Variants in CDH23 observed in about 807,000 individuals in gnomAD.
CDH23 encodes the protein cadherin related 23, also known as cadherin-23.
CDH23 carries 189 observed loss-of-function variants against 317.1 expected under a neutral mutation model. The observed-to-expected ratio is 0.60, with a 90% CI of 0.53 to 0.67. The LOEUF is 0.67. Ranked by LOEUF, CDH23 falls within the 30% of genes least tolerant of loss-of-function variation. The probability of loss-of-function intolerance (pLI) is 0.00; values close to 1 mark genes in which losing one functional copy is unlikely to be tolerated. For synonymous variants in CDH23, 1,839 were observed against 1,876.8 expected, an observed-to-expected ratio of 0.98 and a Z score of 0.52; for missense variants, 4,401 against 4,592.4, an observed-to-expected ratio of 0.96 and a Z score of 1.20.
intron 14 of CDH23, among the ~76,000 whole-genome samples, chr10:71,653,803 G>T (rs894071168): frequency 6.6e-6 from 1 of 152,192 alleles, no homozygotes; most frequent in African/African-American, 2.4e-5. Context: ...GCTGTAGAGA[G>T]AATAATAATA....
intron 3 of CDH23, among the ~76,000 whole-genome samples, chr10:71,452,868 T>C (rs984022511): frequency 7.2e-5 from 11 of 152,174 alleles, no homozygotes; most frequent in African/African-American, 2.7e-4. Context: ...GCAGTGATTG[T>C]CCTGGAGAGA....
intron 27 of CDH23, among the ~76,000 whole-genome samples, chr10:71,710,853 G>T (rs1367279685): frequency 2.6e-5 from 4 of 152,234 alleles, no homozygotes; most frequent in Non-Finnish European, 4.4e-5. Flanking sequence ...GGAAGGGGAG[G>T]CTGTGATCAG....
intron 44 of CDH23, among the ~76,000 whole-genome samples, 155 bp from the exon 45 acceptor site, chr10:71,788,785 T>C (rs1267752084): frequency 1.3e-5 from 2 of 152,226 alleles, no homozygotes; most frequent in Non-Finnish European, 2.9e-5. Flanking sequence ...CCCTCTTGTA[T>C]GTCTTCTTTT....
chr10:71,674,670 G>A (rs747823152), intron 14 of CDH23, among the ~76,000 whole-genome samples: 3 of 152,226 alleles, frequency 2.0e-5, no homozygotes, highest in Non-Finnish European at 4.4e-5. Context: ...GGAAACTGAG[G>A]CATCAAGACA....
intron 9 of CDH23, among the ~76,000 whole-genome samples, chr10:71,590,890 A>AAC (rs1859440907): frequency 1.4e-5 from 2 of 143,346 alleles, no homozygotes; most frequent in Admixed American, 1.7e-4. Flanking sequence ...AAAAAAACAA[A>AAC]AAAAAACAAA....
chr10:71,741,805 C>T lies in CDH23; in HGVS notation c.4729C>T (p.Arg1577Cys), dbSNP rs893684931. The T allele has an allele frequency of 9.3e-6, 15 of 1,612,068 alleles. No individual in the cohort carries two copies. The highest frequency in any genetic ancestry group is 1.6e-4 in the Middle Eastern group (1 of 6,082). Reference protein sequence around the residue: ...ITEGNKDMAFRMDRISGEIAT... With the variant: ...ITEGNKDMAFCMDRISGEIAT... ...CGAGGGCAACAAGGACATGGCCTTC[C>T]GCATGGACCGCATCAGCGGTGAGAT... Residue 1577 changes from arginine to cysteine, a missense_variant, in exon 38 of 70, where the codon CGC (arginine) becomes TGC (cysteine). By Grantham distance (180) the Arg-to-Cys change is radical. Around this residue, in one of 3 missense-constraint regions of CDH23, gnomAD observed 3,068 missense variants for 3,203.3 expected, o/e 0.96. Coordinates refer to ENST00000224721, the MANE Select transcript of CDH23 (RefSeq NM_022124.6).
intron 3 of CDH23, among the ~76,000 whole-genome samples, chr10:71,482,125 C>T (rs866419076): frequency 6.6e-6 from 1 of 152,182 alleles, no homozygotes; most frequent in Non-Finnish European, 1.5e-5. Context: ...ATGACCATAG[C>T]GGGCTTCCAG....
intron 11 of CDH23, among the ~76,000 whole-genome samples, chr10:71,622,527 G>A (rs1589271297): frequency 1.3e-5 from 2 of 152,282 alleles, no homozygotes; most frequent in East Asian, 3.9e-4. Flanking sequence ...GGGGACGGAG[G>A]CAGGGTGGCT....
chr10:71,586,088 T>C (rs1393321948), intron 9 of CDH23, among the ~76,000 whole-genome samples: 1 of 152,170 alleles, frequency 6.6e-6, no homozygotes, highest in Non-Finnish European at 1.5e-5. Context: ...CTTCCCCAGC[T>C]GGGCAAAGCA....
At chr10:71,435,873 A>AAGC (rs1849594128) in intron 1 of CDH23, among the ~76,000 whole-genome samples, 1 of 152,226 alleles carries the variant, frequency 6.6e-6, no homozygotes. Flanking sequence ...CCAGCAGGCA[A>AAGC]AGCAGCATCC....
At chr10:71,785,556 G>A in intron 43 of CDH23, 75 bp from the exon 44 acceptor site, 3 of 968,304 alleles carry the variant, frequency 3.1e-6, no homozygotes, top group Non-Finnish European at 4.8e-6. Flanking sequence ...GCCAAGCAGA[G>A]CAGTTGGCAT....
chr10:71,707,922 C>A (rs78303284), intron 26 of CDH23, among the ~76,000 whole-genome samples: 6,441 of 152,228 alleles, frequency 0.042, 206 homozygotes, highest in East Asian at 0.081. Context: ...GGCTTTGCTG[C>A]GGCCAACGTG....
At chr10:71,460,227 A>C (rs1353901638) in intron 3 of CDH23, among the ~76,000 whole-genome samples, 4 of 152,336 alleles carry the variant, frequency 2.6e-5, no homozygotes, top group Non-Finnish European at 4.4e-5. Context: ...CTTCCAGCCC[A>C]GGGGCTGGTA....
chr10:71,812,021 T>G lies in CDH23; in HGVS notation c.9380+6T>G, dbSNP rs749913318. The stretch of plus-strand genomic sequence containing the variant: ...AACAAGTACTCCTTTGATGGGTGAG[T>G]GGGGTACTGGCCCTGCCCGGTCCCC... On this transcript the variant is annotated splice_donor_region_variant and intron_variant, in intron 66 of 69. Coordinates refer to ENST00000224721, the MANE Select transcript of CDH23 (RefSeq NM_022124.6). 6.2e-7 allele frequency: 1 copy of G among 1,613,560 alleles called. No homozygotes were observed. Among genetic ancestry groups the G allele is most frequent in the Non-Finnish European group, 8.5e-7 (1 of 1,179,800 alleles).
Position 71,798,857 on chromosome 10 carries a change from G to C in CDH23, c.7055-254G>C, listed in dbSNP as rs576075054. 2.5e-3 allele frequency among the ~76,000 whole-genome samples: 374 copies of C among 152,306 alleles called. 1 individual carries two copies. The highest frequency in any genetic ancestry group is 8.4e-3 in the African/African-American group (349 of 41,570). On this transcript the variant is annotated intron_variant, in intron 50 of 69. Coordinates refer to ENST00000224721, the MANE Select transcript of CDH23 (RefSeq NM_022124.6). Reference sequence around the variant, plus strand: ...ACCACCGAGGGAGCAGGAAGGCCAAGAAGGAGGTGTCTCAGGTCCTGGGCT... The same window carrying C: ...ACCACCGAGGGAGCAGGAAGGCCAACAAGGAGGTGTCTCAGGTCCTGGGCT...
intron 6 of CDH23, among the ~76,000 whole-genome samples, chr10:71,542,145 T>A (rs1856021105): frequency 6.6e-6 from 1 of 152,114 alleles, no homozygotes; most frequent in South Asian, 2.1e-4. Flanking sequence ...GATCGCTCAG[T>A]GTGTGAAGAC....
At chr10:71,716,547 G>A (rs544302567) in intron 28 of CDH23, 1 of 469,184 alleles carries the variant, frequency 2.1e-6, no homozygotes, top group Admixed American at 3.8e-5. Flanking sequence ...GATGGAGCTG[G>A]GCCCAAGCTC....
intron 1 of CDH23, among the ~76,000 whole-genome samples, chr10:71,404,177 C>T (rs995179591): frequency 9.2e-5 from 14 of 152,196 alleles, no homozygotes; most frequent in South Asian, 4.1e-4. Context: ...GGTGAATTTT[C>T]GCATATATAT....
chr10:71,660,135 ATTTT>A (rs1863586913), intron 14 of CDH23, among the ~76,000 whole-genome samples: 1 of 151,740 alleles, frequency 6.6e-6, no homozygotes, highest in South Asian at 2.1e-4. Context: ...TAATTTTTGT[ATTTT>A]TAGTAGAGAT....
Sources: gnomAD v4.1 joint callset for allele counts (sites outside exome capture counted in the v4.1 genomes callset) on GRCh38, gnomAD v4.1.1 for gene constraint, gnomAD v4.1.1 regional missense constraint, MANE v1.5 for transcripts, NCBI Gene and HGNC (gene_info 2026-07-23, HGNC 2026-07-21) for gene names.